FAP: variants seen among roughly 807,000 people sequenced by gnomAD.
FAP encodes the protein fibroblast activation protein alpha.
In FAP, 110 loss-of-function variants were observed where a neutral mutation model predicts 126.5. The observed-to-expected ratio is 0.87, with a 90% CI of 0.74 to 1.02. The LOEUF is 1.02. Ranked by LOEUF, FAP falls within the 50% of genes least tolerant of loss-of-function variation. The pLI, the probability that FAP is intolerant of heterozygous loss-of-function variation, is 0.00. For synonymous variants in FAP, 334 were observed against 297.3 expected, an observed-to-expected ratio of 1.12 and a Z score of -1.27; for missense variants, 919 against 909.2, an observed-to-expected ratio of 1.01 and a Z score of -0.14.
chr2:162,181,377 C>T lies in FAP; in HGVS notation c.1869+2037G>A, dbSNP rs76028496. Among the ~76,000 whole-genome samples the T allele has an allele frequency of 1.2e-3, 188 of 152,238 alleles. 1 individual carries two copies. Among genetic ancestry groups the T allele is most frequent in the African/African-American group, 4.3e-3 (180 of 41,514 alleles). On this transcript the variant is annotated intron_variant, in intron 21 of 25. Coordinates refer to ENST00000188790, the MANE Select transcript of FAP (RefSeq NM_004460.5). ...GCACAAATCCCTCTCCTTTAGGTGGCCTAAAGACTATTATCTGTATACTTG... is the reference window on the plus strand; with the variant it reads ...GCACAAATCCCTCTCCTTTAGGTGGTCTAAAGACTATTATCTGTATACTTG...
chr2:162,196,087 T>C lies in FAP; in HGVS notation c.1403-1339A>G, dbSNP rs149637408. Among the ~76,000 whole-genome samples the C allele has an allele frequency of 2.5e-3, 381 of 152,238 alleles. 1 individual carries two copies. Among genetic ancestry groups the C allele is most frequent in the African/African-American group, 8.4e-3 (350 of 41,532 alleles). On this transcript the variant is annotated intron_variant, in intron 16 of 25. Coordinates refer to ENST00000188790, the MANE Select transcript of FAP (RefSeq NM_004460.5). ...GTACCTGTGCCAGTGCCAAGCCCCATGGAGGAAGATGGTGGCTGCCCTGTC... is the reference window on the plus strand; with the variant it reads ...GTACCTGTGCCAGTGCCAAGCCCCACGGAGGAAGATGGTGGCTGCCCTGTC...
intron 23 of FAP, 95 bp from the exon 24 acceptor site, chr2:162,173,316 A>G: frequency 1.2e-6 from 1 of 847,698 alleles, no homozygotes; most frequent in Non-Finnish European, 2.0e-6. Context: ...CCAATACTGA[A>G]ATTATGTATT....
chr2:162,196,887 C>T (rs182958086), intron 16 of FAP, among the ~76,000 whole-genome samples: 1 of 152,248 alleles, frequency 6.6e-6, no homozygotes, highest in East Asian at 1.9e-4. Context: ...TACCATACTG[C>T]CGAGGAAGAG....
chr2:162,235,802 A>G (rs1165343478), intron 2 of FAP, among the ~76,000 whole-genome samples: 1 of 152,132 alleles, frequency 6.6e-6, no homozygotes, highest in Non-Finnish European at 1.5e-5. Flanking sequence ...GTGCTCACTC[A>G]TTGGGTCCAT....
intron 20 of FAP, among the ~76,000 whole-genome samples, chr2:162,185,431 T>C (rs1441993098): frequency 6.6e-6 from 1 of 152,120 alleles, no homozygotes; most frequent in Non-Finnish European, 1.5e-5. Context: ...ATACTCCAAA[T>C]GAGCAAAGTT....
In FAP at chr2:162,214,114, A is replaced by T. The variant is rs778514814; in HGVS notation, c.867-41T>A. ...AAACAGGTAGTCACAACCATAAACC[A>T]GTTTCACACACAAATAATTTCTTAA... is the stretch of plus-strand genomic sequence containing the variant. On this transcript the variant is annotated intron_variant, in intron 10 of 25. Coordinates refer to ENST00000188790, the MANE Select transcript of FAP (RefSeq NM_004460.5). 3.1e-6 allele frequency: 5 copies of T among 1,599,026 alleles called. No individual in the cohort carries two copies. The African/African-American group carries it at 6.7e-5, about 21-fold the overall frequency.
intron 16 of FAP, chr2:162,198,102 A>G (rs957287162): frequency 3.9e-6 from 4 of 1,033,552 alleles, no homozygotes; most frequent in Non-Finnish European, 5.1e-6. Context: ...CATTAAATGT[A>G]CGTATGTCCT....
intron 2 of FAP, among the ~76,000 whole-genome samples, chr2:162,232,114 A>T (rs986221942): frequency 6.6e-6 from 1 of 152,306 alleles, no homozygotes; most frequent in East Asian, 1.9e-4. Flanking sequence ...TACTATTTAC[A>T]AGCTAATATG....
chr2:162,233,110 G>A (rs1050120370), intron 2 of FAP, among the ~76,000 whole-genome samples: 93 of 151,814 alleles, frequency 6.1e-4, no homozygotes, highest in African/African-American at 2.2e-3. Flanking sequence ...TTGAACTCCA[G>A]ACACGTACAT....
intron 12 of FAP, 67 bp downstream of exon 12, chr2:162,209,885 A>C (rs1022513667): frequency 2.1e-6 from 3 of 1,413,532 alleles, no homozygotes; most frequent in Admixed American, 3.4e-5. Context: ...CATTGCAAAT[A>C]GTCCTTTGAT....
chr2:162,240,034 C>T (rs989973150), intron 2 of FAP, among the ~76,000 whole-genome samples: 2 of 152,132 alleles, frequency 1.3e-5, no homozygotes, highest in Admixed American at 6.5e-5. Flanking sequence ...GCTTAGTTTC[C>T]ACTCTCAGCC....
Position 162,213,938 on chromosome 2 carries a change from C to G in FAP, c.1002G>C (p.Lys334Asn), listed in dbSNP as rs746205629. The change falls in exon 11 of 26, where the codon AAG becomes AAC. Residue 334 changes from lysine (K) to asparagine (N), a missense_variant and splice_region_variant. Physicochemically the swap from Lys to Asn is moderately conservative, Grantham distance 94 (BLOSUM62 0). Coordinates refer to ENST00000188790, the MANE Select transcript of FAP (RefSeq NM_004460.5). ...TATCTGTGATCTTAATATACCCTAC[C>G]TTTGGACAATCCCATGTCTGCCAGT... ...REDWQTWDCP[K>N]TQEHIEESRT... 6.2e-7 allele frequency: 1 copy of G among 1,612,898 alleles called. No homozygotes were observed. The highest frequency in any genetic ancestry group is 8.5e-7 in the Non-Finnish European group (1 of 1,179,422).
chr2:162,174,663 T>C (rs928896395), intron 22 of FAP, among the ~76,000 whole-genome samples: 8 of 152,208 alleles, frequency 5.3e-5, no homozygotes, highest in Admixed American at 4.6e-4. Flanking sequence ...GGATTATGGA[T>C]GAGCCTTTCC....
At chr2:162,230,037 C>T (rs1461212631) in intron 2 of FAP, among the ~76,000 whole-genome samples, 1 of 152,162 alleles carries the variant, frequency 6.6e-6, no homozygotes, top group African/African-American at 2.4e-5. Flanking sequence ...GGGATGATTA[C>T]TCCTAACCTC....
At chr2:162,175,937 A>G (rs929812601) in intron 21 of FAP, 1 of 152,180 alleles carries the variant, frequency 6.6e-6, no homozygotes, top group African/African-American at 2.4e-5. Context: ...AAATGTGTGC[A>G]CTAGATTAGG....
In FAP at chr2:162,202,959, A is replaced by G. The variant is rs1192663172; in HGVS notation, c.1153-17T>C. 3 of 1,610,712 alleles carry G rather than the reference A, an allele frequency of 1.9e-6. No individual in the cohort carries two copies. The highest frequency in any genetic ancestry group is 1.7e-5 in the Admixed American group (1 of 60,018). On this transcript the variant is annotated splice_polypyrimidine_tract_variant and intron_variant, in intron 13 of 25. Coordinates refer to ENST00000188790, the MANE Select transcript of FAP (RefSeq NM_004460.5). ...AGCATTTTCCTATAAAAAGACAAAC[A>G]TTATGTTGTGTGAAACTGAGCGTTA...
At chr2:162,198,440 T>G (rs1300163543) in intron 16 of FAP, 1 of 986,818 alleles carries the variant, frequency 1.0e-6, no homozygotes, top group Non-Finnish European at 1.4e-6. Flanking sequence ...GCAGTCTTAG[T>G]GCTGTGGAAT....
chr2:162,224,957 T>C (rs996901903), intron 4 of FAP, among the ~76,000 whole-genome samples: 1 of 152,148 alleles, frequency 6.6e-6, no homozygotes, highest in Non-Finnish European at 1.5e-5. Context: ...TGGAGAAAGT[T>C]GGAGGACTGG....
chr2:162,208,660 T>C (rs1235710799), intron 12 of FAP, among the ~76,000 whole-genome samples: 1 of 152,162 alleles, frequency 6.6e-6, no homozygotes, highest in African/African-American at 2.4e-5. Context: ...TTTTTTTTCC[T>C]CAAAATTTCA....
Sources: allele counts gnomAD v4.1 joint callset (sites outside exome capture counted in the v4.1 genomes callset), GRCh38; gene constraint gnomAD v4.1.1; transcripts MANE v1.5; gene names NCBI Gene and HGNC (gene_info 2026-07-23, HGNC 2026-07-21).